The following CEP104 variants were observed in gnomAD, a reference collection of about 807,000 sequenced individuals.
The protein encoded by CEP104 is centrosomal protein 104, also known as centrosomal protein of 104 kDa.
Under a neutral mutation model 113.3 loss-of-function variants are expected in CEP104, and 84 were observed. The ratio of observed to expected loss-of-function variants is 0.74; its 90% CI spans 0.62 to 0.89. The LOEUF is 0.89. CEP104 is among the 40% of genes least tolerant of loss of function. The pLI is 0.00. For missense variants in CEP104, 1,053 were observed against 1,156.6 expected (o/e 0.91, Z 1.30); for synonymous variants, 378 against 421.7 (o/e 0.90, Z 1.27).
chr1:3,833,752 T>A (rs1233118641), intron 12 of CEP104, 110 bp downstream of exon 12: 1 of 1,028,576 alleles, frequency 9.7e-7, no homozygotes, highest in African/African-American at 1.6e-5. Flanking sequence ...TCCCTGAGAA[T>A]AATGTTAACT....
At chr1:3,816,117 A>C (rs555843403) in intron 21 of CEP104, 163 bp downstream of exon 21, 1 of 595,342 alleles carries the variant, frequency 1.7e-6, no homozygotes, top group South Asian at 2.3e-5. Context: ...TCTGATTATT[A>C]GCCTGCTTAC....
In CEP104 at chr1:3,814,250, G is replaced by A. The variant is rs967978531; in HGVS notation, c.*1152C>T. ...CTAGGCCCCTGGGAGCACAGGCTGG[G>A]GCAGCGAGAGGGTGGATGCTTCCAG... On this transcript the variant is annotated 3_prime_UTR_variant, in exon 22 of 22. Coordinates refer to ENST00000378230, the MANE Select transcript of CEP104 (RefSeq NM_014704.4). The A allele has an allele frequency of 2.6e-5, 4 of 152,220 alleles. No individual in the cohort carries two copies. The highest frequency in any genetic ancestry group is 5.9e-5 in the Non-Finnish European group (4 of 68,064). The allele number at this position is 152,220 out of a possible 1,614,324, so 9.4% of individuals were successfully genotyped here.
In CEP104 at chr1:3,830,012, G is replaced by T; in HGVS notation, c.1837-15C>A. The T allele has an allele frequency of 1.3e-6, 2 of 1,588,660 alleles. No individual in the cohort carries two copies. Among genetic ancestry groups the T allele is most frequent in the Non-Finnish European group, 1.7e-6 (2 of 1,157,208 alleles). On this transcript the variant is annotated splice_polypyrimidine_tract_variant and intron_variant, in intron 13 of 21. Coordinates refer to ENST00000378230, the MANE Select transcript of CEP104 (RefSeq NM_014704.4). ...CTCACTGAAAACTAAAGTTGGGAGGGGCTCTTGTTACTCATTCTTAAAATA... is the reference window on the plus strand; with the variant it reads ...CTCACTGAAAACTAAAGTTGGGAGGTGCTCTTGTTACTCATTCTTAAAATA...
In CEP104 at chr1:3,839,751, C is replaced by T. The variant is rs1490231583; in HGVS notation, c.592G>A (p.Asp198Asn). ...ARKSDYISPL[D>N]DLAFDMYQDP... is the part of the protein sequence containing the mutation. The stretch of plus-strand genomic sequence containing the variant: ...TGGTACATATCAAAAGCTAAGTCAT[C>T]TAGCGGAGAGATATAGTCAGATTTC... Residue 198 changes from aspartate (D) to asparagine (N), a missense_variant, in exon 7 of 22, where the codon GAT becomes AAT. Coordinates refer to ENST00000378230, the MANE Select transcript of CEP104 (RefSeq NM_014704.4). 23 of 1,612,774 alleles carry T rather than the reference C, an allele frequency of 1.4e-5. No homozygotes were observed. Among genetic ancestry groups the T allele is most frequent in the Non-Finnish European group, 1.9e-5 (22 of 1,179,698 alleles).
Position 3,834,040 on chromosome 1 carries a change from G to A in CEP104, c.1486-5C>T, listed in dbSNP as rs1459027732. 1 of 1,610,768 alleles carries A rather than the reference G, an allele frequency of 6.2e-7. No individual in the cohort carries two copies. Among genetic ancestry groups the A allele is most frequent in the Admixed American group, 1.7e-5 (1 of 59,984 alleles). ...TTTCAAAGAAGCCTGAAAAACCTAA[G>A]AGAAAAGTGATGAACACGGATGAGT... On this transcript the variant is annotated splice_region_variant and splice_polypyrimidine_tract_variant and intron_variant, in intron 11 of 21. Coordinates refer to ENST00000378230, the MANE Select transcript of CEP104 (RefSeq NM_014704.4).
rs1367211293 is a variant in CEP104, at chr1:3,836,584, T to C, written c.1228A>G (p.Arg410Gly). ...MSNADISDARRGGMLGEPEPL... is the reference protein window; with the variant it reads ...MSNADISDARGGGMLGEPEPL... ...TCTGGCTCCCCTAACATGCCTCCCC[T>C]CCGAGCATCGCTGATGTCTGCATTA... The change falls in exon 10 of 22, where the codon AGG becomes GGG. Residue 410 changes from arginine (R) to glycine (G), a missense_variant. Physicochemically the swap from Arg to Gly is moderately radical, Grantham distance 125 (BLOSUM62 -2). Transcript: ENST00000378230. 1 of 1,513,142 alleles carries C rather than the reference T, an allele frequency of 6.6e-7. No individual in the cohort carries two copies. The highest frequency in any genetic ancestry group is 8.9e-7 in the Non-Finnish European group (1 of 1,119,744). 93.7% of individuals were successfully genotyped at this position (1,513,142 alleles called of 1,614,324 possible). A position where few individuals can be genotyped will look rare whatever the true frequency, so the allele number is the denominator to read the frequency against.
intron 1 of CEP104, among the ~76,000 whole-genome samples, chr1:3,856,564 T>C (rs1644734742): frequency 6.6e-6 from 1 of 152,260 alleles, no homozygotes; most frequent in South Asian, 2.1e-4. Flanking sequence ...CATCTGAAAC[T>C]GGCCCCCTAT....
rs1259063646 is a variant in CEP104 at position 3,819,097 on chromosome 1, T to C, written c.2572-2727A>G. Among the ~76,000 whole-genome samples the C allele has an allele frequency of 2.0e-5, 3 of 152,206 alleles. No individual in the cohort carries two copies. Among genetic ancestry groups the C allele is most frequent in the Non-Finnish European group, 4.4e-5 (3 of 68,024 alleles). On this transcript the variant is annotated intron_variant, in intron 20 of 21. Transcript: ENST00000378230. The surrounding 1 kb of genome is among the most constrained non-coding windows in gnomAD (Gnocchi z 4.6). ...TCAGAAAAATTCCAGATGTTAGAAT[T>C]AGCACAAAAGGACTTTAAAGCAGAT...
chr1:3,829,958 G>A lies in CEP104; in HGVS notation c.1876C>T (p.Arg626Cys), dbSNP rs754279635. Residue 626 changes from arginine (R) to cysteine (C), a missense_variant, in exon 14 of 22, where the codon CGC (arginine) becomes TGC (cysteine). Physicochemically the swap from Arg to Cys is radical, Grantham distance 180. Coordinates refer to ENST00000378230, the MANE Select transcript of CEP104 (RefSeq NM_014704.4). ...AAAATAATTCGAACCGCCGTCTCGC[G>A]GACCTCATACACTCTATGCTCCAGG... ...SALEHRVYEV[R>C]ETAVRIILDM... 16 of 1,614,014 alleles carry A rather than the reference G, an allele frequency of 9.9e-6. No homozygotes were observed. Among genetic ancestry groups the A allele is most frequent in the Non-Finnish European group, 1.3e-5 (15 of 1,180,038 alleles).
chr1:3,834,236 G>A (rs934676006), intron 11 of CEP104, among the ~76,000 whole-genome samples: 3 of 152,252 alleles, frequency 2.0e-5, no homozygotes, highest in African/African-American at 7.2e-5. Context: ...ACTTCACTCT[G>A]TCAGAAATCA....
chr1:3,847,834 T>C (rs760451371), intron 3 of CEP104: 1 of 457,684 alleles, frequency 2.2e-6, no homozygotes, highest in Non-Finnish European at 3.9e-6. Flanking sequence ...ATTCTTCTTT[T>C]GTTGTTGTTG....
intron 2 of CEP104, among the ~76,000 whole-genome samples, chr1:3,850,010 C>T (rs1040488435): frequency 2.0e-5 from 3 of 152,206 alleles, no homozygotes; most frequent in Admixed American, 6.5e-5. Context: ...CACTTGCTAC[C>T]GTGTTCAGCA....
intron 2 of CEP104, among the ~76,000 whole-genome samples, chr1:3,851,114 T>A (rs559156925): frequency 6.6e-6 from 1 of 152,198 alleles, no homozygotes; most frequent in South Asian, 2.1e-4. Flanking sequence ...GCTGCCTGCA[T>A]GGGCAGTGCA....
rs1643930553 is a variant in CEP104 at position 3,819,435 on chromosome 1, G to A, written c.2572-3065C>T. On this transcript the variant is annotated intron_variant, in intron 20 of 21. Coordinates refer to ENST00000378230, the MANE Select transcript of CEP104 (RefSeq NM_014704.4). The surrounding 1 kb of genome is among the most constrained non-coding windows in gnomAD (Gnocchi z 4.6). ...ACATGAAAACCCACTATCTGTCCACGGGGAGAGGCTGTGCAGACTAGATCT... is the reference window on the plus strand; with the variant it reads ...ACATGAAAACCCACTATCTGTCCACAGGGAGAGGCTGTGCAGACTAGATCT... Among the ~76,000 whole-genome samples the A allele has an allele frequency of 6.6e-6, 1 of 152,180 alleles. No homozygotes were observed. The highest frequency in any genetic ancestry group is 2.4e-5 in the African/African-American group (1 of 41,436).
At chr1:3,839,182 T>G (rs1434845425) in intron 7 of CEP104, 63 bp from the exon 8 acceptor site, 1 of 1,459,986 alleles carries the variant, frequency 6.8e-7, no homozygotes, top group African/African-American at 1.4e-5. Flanking sequence ...AATGCAAAGC[T>G]AATTTTTAAG....
chr1:3,847,995 C>T (rs912795251), intron 3 of CEP104, among the ~76,000 whole-genome samples: 7 of 152,054 alleles, frequency 4.6e-5, no homozygotes, highest in Admixed American at 6.5e-5. Flanking sequence ...CCACCATGCC[C>T]GGCTAATTTT....
At chr1:3,856,776 T>C (rs1644740805) in intron 1 of CEP104, 113 bp downstream of exon 1, 1 of 151,944 alleles carries the variant, frequency 6.6e-6, no homozygotes, top group Non-Finnish European at 1.5e-5. Flanking sequence ...GCACCCAGGC[T>C]TCGTACCCAG....
In CEP104 at chr1:3,825,778, T is replaced by G. The variant is rs749038815; in HGVS notation, c.2344A>C (p.Arg782=). ...CTGACCTGTTTGCAGTGGTCACATC[T>G]TGTCAGCATGAGACAGTGCTTCCAG... is the stretch of plus-strand genomic sequence containing the variant. ...HYWKHCLMLT[R]CDHCKQVVEI... The change falls in exon 18 of 22, where the codon AGA becomes CGA. Residue 782 remains arginine, a synonymous_variant. Transcript: ENST00000378230. The G allele has an allele frequency of 8.7e-6, 14 of 1,612,874 alleles. No individual in the cohort carries two copies. In the Admixed American group the frequency reaches 2.0e-4, roughly 23 times the overall value.
rs148788014 is a variant in CEP104, at chr1:3,845,689, TATTA to T, written c.427-342_427-339del. Among the ~76,000 whole-genome samples the T allele has an allele frequency of 9.2e-3, 1,406 of 152,346 alleles. 17 individuals carry two copies. Among genetic ancestry groups the T allele is most frequent in the African/African-American group, 0.032 (1,314 of 41,566 alleles). On this transcript the variant is annotated intron_variant, in intron 4 of 21. Coordinates refer to ENST00000378230, the MANE Select transcript of CEP104 (RefSeq NM_014704.4). Reference sequence around the variant, plus strand: ...AAATGGGATGATGTATATCAAAGCGTATTAATTGTTAAAATGTTATGCCAATATA... The same window carrying T: ...AAATGGGATGATGTATATCAAAGCGTATTGTTAAAATGTTATGCCAATATA...
Sources: allele counts gnomAD v4.1 joint callset (sites outside exome capture counted in the v4.1 genomes callset), GRCh38; gene constraint gnomAD v4.1.1; non-coding constraint Gnocchi (gnomAD v3.1); transcripts MANE v1.5; gene names NCBI Gene and HGNC (gene_info 2026-07-23, HGNC 2026-07-21).